MYO16: variants seen among roughly 807,000 people sequenced by gnomAD.
MYO16 encodes myosin XVI, also known as unconventional myosin-XVI.
Under a neutral mutation model 205.3 loss-of-function variants are expected in MYO16, and 94 were observed. That is an observed-to-expected ratio of 0.46 (90% CI 0.39 to 0.54). The LOEUF is 0.54. MYO16 is among the 20% of genes least tolerant of loss of function. MYO16 has a pLI of 0.00. For synonymous variants in MYO16, 988 were observed against 954.0 expected, an observed-to-expected ratio of 1.04 and a Z score of -0.66; for missense variants, 2,315 against 2,387.5, an observed-to-expected ratio of 0.97 and a Z score of 0.63.
the MYO16 span, among the ~76,000 whole-genome samples, chr13:108,547,369 G>A: frequency 6.6e-6 from 1 of 151,948 alleles, no homozygotes; most frequent in Admixed American, 6.5e-5. Flanking sequence ...CACAAATAAT[G>A]TTTAACATTG....
intron 6 of MYO16, among the ~76,000 whole-genome samples, chr13:108,803,819 G>T (rs1887034861): frequency 6.6e-6 from 1 of 152,140 alleles, no homozygotes; most frequent in African/African-American, 2.4e-5. Context: ...CCATGGGAAG[G>T]CCAAAGCAAG....
intron 34 of MYO16, among the ~76,000 whole-genome samples, chr13:109,198,533 C>T (rs1182109555): frequency 6.6e-6 from 1 of 151,998 alleles, no homozygotes; most frequent in Admixed American, 6.6e-5. Flanking sequence ...TTCTGGGTTG[C>T]TTTTTAGTAA....
chr13:108,502,433 T>A, the MYO16 span, among the ~76,000 whole-genome samples: 1 of 152,276 alleles, frequency 6.6e-6, no homozygotes, highest in Non-Finnish European at 1.5e-5. Flanking sequence ...GTATTTTTGG[T>A]TAAAAATGCT....
chr13:108,985,680 A>G (rs184153978), intron 20 of MYO16, among the ~76,000 whole-genome samples: 78 of 152,362 alleles, frequency 5.1e-4, no homozygotes, highest in South Asian at 1.4e-3. Context: ...TTCTACTGAT[A>G]GATGATGCTT....
At chr13:108,706,924 C>T (rs190261690) in intron 2 of MYO16, among the ~76,000 whole-genome samples, 86 of 152,214 alleles carry the variant, frequency 5.6e-4, no homozygotes, top group Non-Finnish European at 3.2e-4. Context: ...TGCTTGATTC[C>T]GGGGTGCTTC....
intron 1 of MYO16, among the ~76,000 whole-genome samples, chr13:108,649,818 A>C (rs990540699): frequency 6.6e-6 from 1 of 152,214 alleles, no homozygotes; most frequent in East Asian, 1.9e-4. Flanking sequence ...TTATCTGTGA[A>C]TTGGTTTCTG....
intron 28 of MYO16, among the ~76,000 whole-genome samples, chr13:109,116,953 G>A (rs1275858923): frequency 6.6e-6 from 1 of 152,208 alleles, no homozygotes; most frequent in Non-Finnish European, 1.5e-5. Context: ...CTGCACTGCT[G>A]AGGTACAACC....
At chr13:108,629,232 A>G (rs1879863807), upstream of MYO16, 1 of 152,262 alleles carries the variant, frequency 6.6e-6, no homozygotes, top group African/African-American at 2.4e-5. Context: ...GACAGATCAA[A>G]GATCTCTGAT....
intron 7 of MYO16, among the ~76,000 whole-genome samples, chr13:108,816,682 G>A (rs192434222): frequency 3.9e-5 from 6 of 152,164 alleles, no homozygotes; most frequent in African/African-American, 9.6e-5. Context: ...TGTAATTCCC[G>A]CCTCAAGGTG....
chr13:108,802,436 G>A (rs1349855207), intron 6 of MYO16, among the ~76,000 whole-genome samples: 5 of 151,976 alleles, frequency 3.3e-5, no homozygotes, highest in Non-Finnish European at 4.4e-5. Flanking sequence ...CTTTTTTAAG[G>A]GTGACTAGTA....
intron 2 of MYO16, among the ~76,000 whole-genome samples, chr13:108,679,540 C>T (rs965090882): frequency 3.3e-5 from 5 of 151,990 alleles, no homozygotes; most frequent in South Asian, 2.1e-4. Context: ...CTTTATTATA[C>T]GGGGACCCTC....
At chr13:108,552,301 G>A in the MYO16 span, among the ~76,000 whole-genome samples, 1 of 152,140 alleles carries the variant, frequency 6.6e-6, no homozygotes, top group Admixed American at 6.5e-5. Context: ...GCTAAATTTG[G>A]GTGACAGAGC....
intron 4 of MYO16, among the ~76,000 whole-genome samples, chr13:108,728,010 G>A (rs934077658): frequency 2.0e-5 from 3 of 151,946 alleles, no homozygotes; most frequent in Admixed American, 1.3e-4. Context: ...ACATGAAAAC[G>A]GGAACTTTAA....
chr13:109,205,061 T>C (rs1880543205), intron 34 of MYO16, among the ~76,000 whole-genome samples: 1 of 149,790 alleles, frequency 6.7e-6, no homozygotes, highest in Non-Finnish European at 1.5e-5. Context: ...AAAAAAAAAA[T>C]ACCCTTTTAA....
intron 1 of MYO16, among the ~76,000 whole-genome samples, chr13:108,659,782 T>C (rs528363017): frequency 2.0e-5 from 3 of 152,334 alleles, no homozygotes; most frequent in Non-Finnish European, 4.4e-5. Context: ...AACTATTGAC[T>C]ACCTCCTGTT....
intron 4 of MYO16, among the ~76,000 whole-genome samples, chr13:108,770,485 C>T (rs938575408): frequency 1.1e-4 from 16 of 152,066 alleles, no homozygotes; most frequent in South Asian, 6.2e-4. Flanking sequence ...ATGAGGCATT[C>T]GTGCCTTTTA....
chr13:109,108,957 T>C (rs1432141380), intron 28 of MYO16, among the ~76,000 whole-genome samples: 1 of 152,182 alleles, frequency 6.6e-6, no homozygotes, highest in Non-Finnish European at 1.5e-5. Context: ...TACAAAGCCA[T>C]GTTTCTCAAC....
intron 4 of MYO16, among the ~76,000 whole-genome samples, chr13:108,741,535 C>T (rs1419043735): frequency 6.6e-6 from 1 of 151,988 alleles, no homozygotes; most frequent in African/African-American, 2.4e-5. Flanking sequence ...GTTTTTTAAC[C>T]TCAAAAAAGG....
At chr13:109,200,369 A>G (rs1880349568) in intron 34 of MYO16, among the ~76,000 whole-genome samples, 1 of 152,226 alleles carries the variant, frequency 6.6e-6, no homozygotes, top group Admixed American at 6.5e-5. Context: ...GAAAATTTCC[A>G]TGAAATCCCT....
Sources: allele counts gnomAD v4.1 joint callset (sites outside exome capture counted in the v4.1 genomes callset), GRCh38; gene constraint gnomAD v4.1.1; transcripts MANE v1.5; gene names NCBI Gene and HGNC (gene_info 2026-07-23, HGNC 2026-07-21).